Variants in NOBOX observed in about 807,000 individuals in gnomAD.
NOBOX encodes NOBOX oogenesis homeobox.
NOBOX carries 46 observed loss-of-function variants against 60.2 expected under a neutral mutation model. The observed-to-expected ratio is 0.76, with a 90% confidence interval of 0.60 to 0.98. The LOEUF is 0.98. NOBOX is among the 50% of genes least tolerant of loss of function. The pLI is 0.00. For synonymous variants in NOBOX, 360 were observed against 346.3 expected (o/e 1.04, Z -0.44); for missense variants, 880 against 865.5 (o/e 1.02, Z -0.21).
Position 144,399,087 on chromosome 7 carries a change from G to A in NOBOX, c.1332C>T (p.Ser444=), listed in dbSNP as rs1349524540. The A allele has an allele frequency of 9.6e-7, 1 of 1,043,544 alleles. No individual in the cohort carries two copies. The highest frequency in any genetic ancestry group is 1.5e-6 in the Non-Finnish European group (1 of 665,490). The allele number at this position is 1,043,544 out of a possible 1,614,324, so 64.6% of individuals were successfully genotyped here. Residue 444 remains serine, a synonymous_variant, in exon 8 of 10, where the codon AGC becomes AGT. Transcript: ENST00000467773. ...GATCGGCCCTTCGCACAGGTGGGGG[G>A]CTGAAGAGTGGGGGGGTCACCACCC...
At chr7:144,406,539 C>A (rs1163383440) in intron 1 of NOBOX, among the ~76,000 whole-genome samples, 2 of 147,998 alleles carry the variant, frequency 1.4e-5, no homozygotes, top group East Asian at 2.0e-4. Flanking sequence ...ACCTGGGTGA[C>A]AGAGTGAGAC....
At chr7:144,397,832 C>T (rs1291017214) in intron 9 of NOBOX, among the ~76,000 whole-genome samples, 1 of 152,180 alleles carries the variant, frequency 6.6e-6, no homozygotes, top group Non-Finnish European at 1.5e-5. Flanking sequence ...TCTTTCCTCC[C>T]CTTCTGCTAG....
intron 1 of NOBOX, among the ~76,000 whole-genome samples, chr7:144,408,733 G>A (rs879417722): frequency 6.6e-6 from 1 of 152,148 alleles, no homozygotes; most frequent in African/African-American, 2.4e-5. Context: ...TCCCGCATGG[G>A]GGATGGATCA....
At chr7:144,409,703 C>G (rs1216781592) in intron 1 of NOBOX, among the ~76,000 whole-genome samples, 2 of 152,152 alleles carry the variant, frequency 1.3e-5, no homozygotes, top group Non-Finnish European at 2.9e-5. Context: ...CCCTTAATGG[C>G]TTTTAAAAAA....
Position 144,401,608 on chromosome 7 carries a change from C to G in NOBOX, c.293-11G>C. The G allele has an allele frequency of 6.7e-7, 1 of 1,500,594 alleles. No individual in the cohort carries two copies. Among genetic ancestry groups the G allele is most frequent in the Non-Finnish European group, 8.8e-7 (1 of 1,133,310 alleles). 93.0% of individuals were successfully genotyped at this position (1,500,594 alleles called of 1,614,324 possible). On this transcript the variant is annotated splice_polypyrimidine_tract_variant and intron_variant, in intron 3 of 9. Transcript: ENST00000467773. The surrounding 1 kb of genome is among the most constrained non-coding windows in gnomAD (Gnocchi z 4.2). ...CTCCAGCTTTCTGGCCTGTGGGGAGCCAACATCCACTGACCTTAGCACCAG... is the reference window on the plus strand; with the variant it reads ...CTCCAGCTTTCTGGCCTGTGGGGAGGCAACATCCACTGACCTTAGCACCAG...
intron 4 of NOBOX, among the ~76,000 whole-genome samples, chr7:144,400,669 C>T (rs1258217720): frequency 1.3e-5 from 2 of 152,226 alleles, no homozygotes; most frequent in Non-Finnish European, 2.9e-5. Flanking sequence ...TACCAAATAG[C>T]TGGGATTACA....
intron 1 of NOBOX, among the ~76,000 whole-genome samples, chr7:144,408,968 A>T (rs955284417): frequency 2.0e-5 from 3 of 152,180 alleles, no homozygotes; most frequent in Non-Finnish European, 4.4e-5. Flanking sequence ...ATCAAAGTCA[A>T]TTTCCTGGTG....
In NOBOX at chr7:144,410,070, G is replaced by A. The variant is rs373930859; in HGVS notation, c.85+73C>T. On this transcript the variant is annotated intron_variant, in intron 1 of 9. Transcript: ENST00000467773. ...CTCTACCAAGAGTCCTCAGTGTATG[G>A]GAAGACAACTCTGTCTTCTGTTCAG... 1.1e-4 allele frequency: 103 copies of A among 972,930 alleles called. No homozygotes were observed. The African/African-American group carries it at 1.1e-3, about 10-fold the overall frequency. The allele number at this position is 972,930 out of a possible 1,614,324, so 60.3% of individuals were successfully genotyped here.
intron 9 of NOBOX, 82 bp downstream of exon 7, chr7:144,398,200 C>T: frequency 1.6e-6 from 2 of 1,273,296 alleles, no homozygotes; most frequent in South Asian, 1.3e-5. Flanking sequence ...CTGCCTCAGT[C>T]TACCCTCCAG....
chr7:144,401,735 CCA>C lies in NOBOX; in HGVS notation c.292+132_292+133del. The C allele has an allele frequency of 9.7e-7, 1 of 1,027,424 alleles. No individual in the cohort carries two copies. The highest frequency in any genetic ancestry group is 2.5e-5 in the East Asian group (1 of 39,812). The allele number at this position is 1,027,424 out of a possible 1,614,324, so 63.6% of individuals were successfully genotyped here. ...CTACCTATCAAATGGGGTAATAATTCCACACTTACCTTCCTAGCTTGACTATT... is the reference window on the plus strand; with the variant it reads ...CTACCTATCAAATGGGGTAATAATTCCACTTACCTTCCTAGCTTGACTATT... On this transcript the variant is annotated intron_variant, in intron 3 of 9. Coordinates refer to ENST00000467773, the MANE Select transcript of NOBOX (RefSeq NM_001080413.3). This position sits in a 1 kb window ranked among gnomAD's most constrained non-coding sequence, Gnocchi z 4.2.
chr7:144,399,362 G>C, intron 7 of NOBOX, 35 bp downstream of exon 5: 1 of 1,434,830 alleles, frequency 7.0e-7, no homozygotes, highest in Non-Finnish European at 9.6e-7. Context: ...ATCTTTAGTT[G>C]CCATTTTCCC....
At chr7:144,399,583 A>T in intron 6 of NOBOX, 101 bp from the exon 5 acceptor site, 1 of 1,197,678 alleles carries the variant, frequency 8.3e-7, no homozygotes, top group Non-Finnish European at 1.2e-6. Context: ...TCTGCCTCCT[A>T]CAGGGCATTG....
chr7:144,406,360 C>T (rs2053985697), intron 1 of NOBOX, among the ~76,000 whole-genome samples: 1 of 152,116 alleles, frequency 6.6e-6, no homozygotes. Context: ...GAGTTTGAGA[C>T]CAGCCTGGCC....
chr7:144,404,752 G>C, intron 1 of NOBOX: 1 of 1,580,578 alleles, frequency 6.3e-7, no homozygotes, highest in Non-Finnish European at 8.6e-7. Flanking sequence ...AGAATGGAAG[G>C]GACTTTCTTG....
At chr7:144,397,181 C>G, downstream of NOBOX, 1 of 1,430,876 alleles carries the variant, frequency 7.0e-7, no homozygotes. Flanking sequence ...CCCCTGTCCT[C>G]TCAGCGAGCC....
chr7:144,399,848 G>A lies in NOBOX; in HGVS notation c.1063C>T (p.Arg355Cys), dbSNP rs776732296. The A allele has an allele frequency of 9.9e-6, 16 of 1,611,638 alleles. No individual in the cohort carries two copies. The highest frequency in any genetic ancestry group is 5.5e-5 in the South Asian group (5 of 90,812). Residue 355 changes from arginine (R) to cysteine (C), a missense_variant, in exon 6 of 10, where the codon CGC becomes TGC. Coordinates refer to ENST00000467773, the MANE Select transcript of NOBOX (RefSeq NM_001080413.3). ...TCCATTTTTCGCCACTTGGCCCGGC[G>A]ATTCTGGAACCACACCTATGGGGGG...
At position 144,398,507 on chromosome 7, in the gene NOBOX, A is replaced by G. The variant is rs2699503; in HGVS notation, c.1549T>C (p.Phe517Leu). The G allele has an allele frequency of 0.57, 882,448 of 1,535,894 alleles. 258,161 individuals are homozygous for G. Among genetic ancestry groups the G allele is most frequent in the South Asian group, 0.8 (67,125 of 84,018 alleles). ...GGCTGTGGAGCCTGGGAGAACTGGAAGGGTCCTGGCTGGTTGCTCTGTTGG... is the reference window on the plus strand; with the variant it reads ...GGCTGTGGAGCCTGGGAGAACTGGAGGGGTCCTGGCTGGTTGCTCTGTTGG... Residue 517 changes from phenylalanine to leucine, a missense_variant, in exon 9 of 10, where the codon TTC (phenylalanine) becomes CTC (leucine). Transcript: ENST00000467773.
chr7:144,405,657 C>A (rs1006512250), intron 1 of NOBOX, among the ~76,000 whole-genome samples: 46 of 152,268 alleles, frequency 3.0e-4, no homozygotes, highest in African/African-American at 1.1e-3. Context: ...ATCCTCAGCT[C>A]CCCTGTGTTG....
At chr7:144,397,602 C>T in intron 9 of NOBOX, 61 bp from the exon 8 acceptor site, 1 of 1,370,012 alleles carries the variant, frequency 7.3e-7, no homozygotes. Flanking sequence ...CTATCATTAA[C>T]AGTGTTCTAC....
Sources: gnomAD v4.1 joint callset for allele counts (sites outside exome capture counted in the v4.1 genomes callset) on GRCh38, gnomAD v4.1.1 for gene constraint, Gnocchi (gnomAD v3.1) non-coding constraint, MANE v1.5 for transcripts, NCBI Gene and HGNC (gene_info 2026-07-23, HGNC 2026-07-21) for gene names.